Variants in MYO1D observed in about 807,000 individuals in gnomAD.
MYO1D encodes the protein myosin ID.
A neutral mutation model predicts 122.0 loss-of-function variants in MYO1D; 83 were observed. That is an observed-to-expected ratio of 0.68 (90% CI 0.57 to 0.82). MYO1D has a LOEUF of 0.82. Ranked by LOEUF, MYO1D falls within the 40% of genes least tolerant of loss-of-function variation. The pLI, the probability that MYO1D is intolerant of heterozygous loss-of-function variation, is 0.00. For missense variants in MYO1D, 1,157 were observed against 1,269.5 expected (o/e 0.91, Z 1.35); for synonymous variants, 464 against 446.9 (o/e 1.04, Z -0.48).
chr17:32,685,978 C>T (rs966182856), intron 16 of MYO1D, among the ~76,000 whole-genome samples: 6 of 152,214 alleles, frequency 3.9e-5, no homozygotes, highest in Non-Finnish European at 7.3e-5. Context: ...TAAATTCTGA[C>T]TGTTATATCC....
At chr17:32,656,219 G>A (rs1327692569) in intron 17 of MYO1D, among the ~76,000 whole-genome samples, 1 of 152,154 alleles carries the variant, frequency 6.6e-6, no homozygotes, top group Non-Finnish European at 1.5e-5. Context: ...TCTCAAACTT[G>A]TTTCCATAGA....
At chr17:32,826,437 C>A (rs1159745477) in intron 1 of MYO1D, among the ~76,000 whole-genome samples, 1 of 152,132 alleles carries the variant, frequency 6.6e-6, no homozygotes, top group Non-Finnish European at 1.5e-5. Context: ...CAGCTTACTA[C>A]CTTAAAAAGA....
Position 32,619,093 on chromosome 17 carries a change from G to A in MYO1D, c.2710-13852C>T, listed in dbSNP as rs533346453. On this transcript the variant is annotated intron_variant, in intron 20 of 21. Coordinates refer to ENST00000318217, the MANE Select transcript of MYO1D (RefSeq NM_015194.3). ...GTAACTTGGAGTTCAGTAGTTTCACGAAAAATTCAATTTTAATCCCAAATA... is the reference window on the plus strand; with the variant it reads ...GTAACTTGGAGTTCAGTAGTTTCACAAAAAATTCAATTTTAATCCCAAATA... Among the ~76,000 whole-genome samples, 168 of 152,160 alleles carry A rather than the reference G, an allele frequency of 1.1e-3. 2 individuals carry two copies. Among genetic ancestry groups the A allele is most frequent in the African/African-American group, 3.3e-3 (138 of 41,486 alleles).
intron 1 of MYO1D, among the ~76,000 whole-genome samples, chr17:32,845,854 C>G (rs2090933262): frequency 6.6e-6 from 1 of 152,166 alleles, no homozygotes; most frequent in Non-Finnish European, 1.5e-5. Flanking sequence ...GCTTTCTACA[C>G]CCTTGCTTTG....
At chr17:32,780,197 A>G (rs1224720865) in intron 2 of MYO1D, among the ~76,000 whole-genome samples, 1 of 152,100 alleles carries the variant, frequency 6.6e-6, no homozygotes, top group Non-Finnish European at 1.5e-5. Flanking sequence ...CACCAGTCTG[A>G]TTTTGAGTTG....
intron 1 of MYO1D, among the ~76,000 whole-genome samples, chr17:32,849,817 A>AC (rs1437169464): frequency 1.3e-5 from 2 of 151,728 alleles, no homozygotes; most frequent in Non-Finnish European, 2.9e-5. Flanking sequence ...GTATAATAAA[A>AC]AAAAATTAAG....
At chr17:32,777,366 G>GT (rs1374030505) in intron 3 of MYO1D, among the ~76,000 whole-genome samples, 1 of 152,040 alleles carries the variant, frequency 6.6e-6, no homozygotes, top group Admixed American at 6.6e-5. Flanking sequence ...TTATAAAACT[G>GT]AAGATTGTTA....
At chr17:32,517,196 A>T (rs1909921278) in intron 21 of MYO1D, among the ~76,000 whole-genome samples, 1 of 152,242 alleles carries the variant, frequency 6.6e-6, no homozygotes, top group African/African-American at 2.4e-5. Context: ...TATTTAGGTC[A>T]CTGCTGCCCA....
intron 15 of MYO1D, among the ~76,000 whole-genome samples, chr17:32,714,011 C>T (rs1009014125): frequency 7.9e-5 from 12 of 151,412 alleles, no homozygotes; most frequent in African/African-American, 2.7e-4. Flanking sequence ...TTGTGCCTTA[C>T]ATGAATCTTT....
At chr17:32,843,404 T>A (rs1434476707) in intron 1 of MYO1D, among the ~76,000 whole-genome samples, 1 of 152,172 alleles carries the variant, frequency 6.6e-6, no homozygotes, top group African/African-American at 2.4e-5. Context: ...AATAGAGAAG[T>A]GTGCTTATAC....
intron 1 of MYO1D, among the ~76,000 whole-genome samples, chr17:32,783,600 T>C (rs538712649): frequency 2.0e-5 from 3 of 152,348 alleles, no homozygotes; most frequent in African/African-American, 7.2e-5. Flanking sequence ...TTAAATACAA[T>C]GCTTCAGCAA....
At chr17:32,634,734 T>A (rs189377851) in intron 20 of MYO1D, among the ~76,000 whole-genome samples, 2 of 152,304 alleles carry the variant, frequency 1.3e-5, no homozygotes, top group East Asian at 3.9e-4. Context: ...TTAGGTCCTG[T>A]TTGACAAAGA....
intron 16 of MYO1D, among the ~76,000 whole-genome samples, chr17:32,688,310 G>C (rs1270705715): frequency 1.3e-5 from 2 of 152,160 alleles, no homozygotes. Flanking sequence ...GATCATAATA[G>C]ATATGCCCAC....
intron 4 of MYO1D, among the ~76,000 whole-genome samples, chr17:32,773,429 C>T (rs1289988725): frequency 6.6e-6 from 1 of 152,192 alleles, no homozygotes; most frequent in African/African-American, 2.4e-5. Context: ...ACCCACACTC[C>T]ATTGGTGTCT....
intron 21 of MYO1D, among the ~76,000 whole-genome samples, chr17:32,550,289 G>A (rs745324955): frequency 1.3e-5 from 2 of 152,008 alleles, no homozygotes; most frequent in Non-Finnish European, 2.9e-5. Flanking sequence ...TAGTAGAGAC[G>A]GAGTTTCACT....
chr17:32,638,978 G>A (rs2088148919), intron 19 of MYO1D, 143 bp from the exon 20 acceptor site: 3 of 578,484 alleles, frequency 5.2e-6, no homozygotes, highest in Middle Eastern at 9.0e-4. Context: ...AGGAGTAGCT[G>A]TTCCCATACT....
At position 32,765,052 on chromosome 17, in the gene MYO1D, G is replaced by A; in HGVS notation, c.861C>T (p.Asp287=). The A allele has an allele frequency of 3.7e-6, 6 of 1,613,442 alleles. No homozygotes were observed. The highest frequency in any genetic ancestry group is 5.1e-6 in the Non-Finnish European group (6 of 1,179,648). ...LGNLKFVVDG[D]TPLIENGKVV... is the part of the protein sequence containing the mutation. ...CTTTGCCATTCTCAATAAGAGGCGT[G>A]TCACCATCTACTACAAATTTTAAAT... is the stretch of plus-strand genomic sequence containing the variant. The change falls in exon 8 of 22, where the codon GAC becomes GAT. Residue 287 remains aspartate (D), a synonymous_variant. Coordinates refer to ENST00000318217, the MANE Select transcript of MYO1D (RefSeq NM_015194.3).
At chr17:32,727,739 T>C (rs1367400884) in intron 14 of MYO1D, 1 of 152,104 alleles carries the variant, frequency 6.6e-6, no homozygotes, top group Non-Finnish European at 1.5e-5. Flanking sequence ...AAATGATTTA[T>C]TCAAAAGACA....
chr17:32,532,310 C>A (rs1159949802), intron 21 of MYO1D, among the ~76,000 whole-genome samples: 2 of 152,248 alleles, frequency 1.3e-5, no homozygotes, highest in Non-Finnish European at 2.9e-5. Context: ...CTCAAGCAGG[C>A]TTACTCAATG....
Sources: gnomAD v4.1 joint callset for allele counts (sites outside exome capture counted in the v4.1 genomes callset) on GRCh38, gnomAD v4.1.1 for gene constraint, MANE v1.5 for transcripts, NCBI Gene and HGNC (gene_info 2026-07-23, HGNC 2026-07-21) for gene names.